The following CHIC2 variants were observed in gnomAD, a reference collection of about 807,000 sequenced individuals.
CHIC2 encodes the protein cysteine rich hydrophobic domain 2.
Under a neutral mutation model 25.9 loss-of-function variants are expected in CHIC2, and 14 were observed. The ratio of observed to expected loss-of-function variants is 0.54; its 90% CI spans 0.36 to 0.85. CHIC2 has a LOEUF of 0.85. Among genes scored for constraint, CHIC2 ranks in the 40% least tolerant of loss-of-function variants. The probability of loss-of-function intolerance (pLI) is 0.01; values close to 1 mark genes in which losing one functional copy is unlikely to be tolerated. For synonymous variants in CHIC2, 70 were observed against 72.0 expected, an observed-to-expected ratio of 0.97 and a Z score of 0.14; for missense variants, 146 against 202.0, an observed-to-expected ratio of 0.72 and a Z score of 1.68.
chr4:54,055,761 A>G (rs565551420), intron 1 of CHIC2, among the ~76,000 whole-genome samples: 45 of 152,298 alleles, frequency 3.0e-4, no homozygotes, highest in African/African-American at 1.0e-3. Context: ...ATAACTATGG[A>G]AAAAAATTAA....
chr4:54,065,969 A>G (rs1717509771), upstream of CHIC2, among the ~76,000 whole-genome samples: 2 of 152,230 alleles, frequency 1.3e-5, no homozygotes, highest in Non-Finnish European at 1.5e-5. Context: ...TTCAACAAAT[A>G]TCTACTGAAC....
rs547036350 is a variant in CHIC2 at position 54,046,071 on chromosome 4, T to G, written c.330+2884A>C. The stretch of plus-strand genomic sequence containing the variant: ...CACAATTGCTTCAAAGAGAATAAAA[T>G]ACCTAGGAATCCAACTTACAAGGGA... On this transcript the variant is annotated intron_variant, in intron 3 of 5. Coordinates refer to ENST00000263921, the MANE Select transcript of CHIC2 (RefSeq NM_012110.4). Among the ~76,000 whole-genome samples the G allele has an allele frequency of 2.0e-3, 308 of 151,030 alleles. 1 individual carries two copies. The highest frequency in any genetic ancestry group is 6.0e-3 in the African/African-American group (248 of 41,402).
rs553583467 is a variant in CHIC2, at chr4:54,029,126, A to G, written c.331-15007T>C. ...GACAGAGCGAGACTCCATCTCAAAG[A>G]AAAAAAAAAAAAAACAAAAGTCAAA... is the stretch of plus-strand genomic sequence containing the variant. On this transcript the variant is annotated intron_variant, in intron 3 of 5. Coordinates refer to ENST00000263921, the MANE Select transcript of CHIC2 (RefSeq NM_012110.4). 7.3e-5 allele frequency among the ~76,000 whole-genome samples: 10 copies of G among 136,854 alleles called. No homozygotes were observed. In the East Asian group the frequency reaches 1.9e-3, roughly 25 times the overall value. 89.8% of individuals were successfully genotyped at this position (136,854 alleles called of 152,430 possible).
chr4:54,048,178 C>G (rs868366338), intron 3 of CHIC2, among the ~76,000 whole-genome samples: 1 of 152,100 alleles, frequency 6.6e-6, no homozygotes, highest in Non-Finnish European at 1.5e-5. Context: ...TTAGTAGAGA[C>G]AGGGTTTTAC....
At chr4:54,037,259 G>C (rs1455024073) in intron 3 of CHIC2, among the ~76,000 whole-genome samples, 2 of 152,038 alleles carry the variant, frequency 1.3e-5, no homozygotes, top group African/African-American at 4.8e-5. Flanking sequence ...CGAGGTAGGA[G>C]GATGAGTGGA....
At chr4:54,046,668 A>T (rs1001880064) in intron 3 of CHIC2, among the ~76,000 whole-genome samples, 1 of 152,228 alleles carries the variant, frequency 6.6e-6, no homozygotes, top group African/African-American at 2.4e-5. Flanking sequence ...TTAAAGACTT[A>T]CATGTTAGAC....
At position 54,049,302 on chromosome 4, in the gene CHIC2, A is replaced by G. The variant is rs1233581446; in HGVS notation, c.123T>C (p.Phe41=). The change falls in exon 2 of 6, where the codon TTT becomes TTC. Residue 41 remains phenylalanine (F), a synonymous_variant. Transcript: ENST00000263921. ...VVRGSGHVTV[F]GLSNKFESEF... ...CAGATTCAAATTTGTTGCTCAGTCC[A>G]AATCTATTTTAAAAAATAAGAAGAA... 3 of 1,577,742 alleles carry G rather than the reference A, an allele frequency of 1.9e-6. No individual in the cohort carries two copies. Among genetic ancestry groups the G allele is most frequent in the African/African-American group, 2.7e-5 (2 of 73,800 alleles).
At chr4:54,082,558 G>A in the CHIC2 span, among the ~76,000 whole-genome samples, 4 of 152,240 alleles carry the variant, frequency 2.6e-5, no homozygotes, top group Non-Finnish European at 4.4e-5. Flanking sequence ...TGAGAGGGAT[G>A]AGGAAAGAGT....
intron 1 of CHIC2, among the ~76,000 whole-genome samples, chr4:54,055,826 C>T (rs550944494): frequency 1.2e-4 from 19 of 152,234 alleles, no homozygotes; most frequent in South Asian, 4.1e-4. Flanking sequence ...ATTCAACATA[C>T]GTCTGAATAT....
chr4:54,014,410 C>T (rs1225625412), intron 3 of CHIC2, among the ~76,000 whole-genome samples: 3 of 152,048 alleles, frequency 2.0e-5, no homozygotes, highest in Admixed American at 1.3e-4. Context: ...AAATTAAATT[C>T]CCACTTCTTT....
At chr4:54,016,841 T>TA (rs1238889572) in intron 3 of CHIC2, among the ~76,000 whole-genome samples, 23 of 147,170 alleles carry the variant, frequency 1.6e-4, no homozygotes, top group East Asian at 1.2e-3. Context: ...AGCAGTCATT[T>TA]AAAAAAAAAA....
chr4:54,049,564 T>C lies in CHIC2; in HGVS notation c.120-259A>G, dbSNP rs1030708536. On this transcript the variant is annotated intron_variant, in intron 1 of 5. Coordinates refer to ENST00000263921, the MANE Select transcript of CHIC2 (RefSeq NM_012110.4). ...AACCAGCAGTATGTAAACAAAAATA[T>C]AAATGGTTCATTTAATTTGAGCTAC... Among the ~76,000 whole-genome samples the C allele has an allele frequency of 7.2e-5, 11 of 152,316 alleles. No individual in the cohort carries two copies. In the East Asian group the frequency reaches 1.9e-3, roughly 27 times the overall value.
chr4:54,061,180 A>G (rs1362650946), intron 1 of CHIC2: 1 of 152,168 alleles, frequency 6.6e-6, no homozygotes, highest in Non-Finnish European at 1.5e-5. Flanking sequence ...CTTTAGGCAA[A>G]TTAAACATGT....
intron 1 of CHIC2, among the ~76,000 whole-genome samples, chr4:54,054,801 C>A (rs557040612): frequency 6.6e-6 from 1 of 152,122 alleles, no homozygotes; most frequent in African/African-American, 2.4e-5. Flanking sequence ...GAACATAAGA[C>A]AAATAGATGG....
At chr4:54,070,081 A>C in the CHIC2 span, among the ~76,000 whole-genome samples, 11 of 152,366 alleles carry the variant, frequency 7.2e-5, no homozygotes, top group Non-Finnish European at 1.0e-4. Flanking sequence ...ATGACATGTA[A>C]GCTGATGAGC....
chr4:54,042,693 A>C (rs900251696), intron 3 of CHIC2, among the ~76,000 whole-genome samples: 5 of 152,170 alleles, frequency 3.3e-5, no homozygotes. Flanking sequence ...CAAGAGCGAC[A>C]AAATCAACTG....
chr4:54,071,647 A>G, the CHIC2 span, among the ~76,000 whole-genome samples: 1 of 152,226 alleles, frequency 6.6e-6, no homozygotes, highest in Admixed American at 6.5e-5. Flanking sequence ...CCTAACACCT[A>G]CAACAGTACC....
chr4:54,087,020 G>A, the CHIC2 span: 2 of 1,100,500 alleles, frequency 1.8e-6, no homozygotes, highest in Non-Finnish European at 2.8e-6. Flanking sequence ...ATGCAGAGAT[G>A]AGAGGGGCCT....
At chr4:54,041,370 G>A (rs1391871349) in intron 3 of CHIC2, among the ~76,000 whole-genome samples, 2 of 152,024 alleles carry the variant, frequency 1.3e-5, no homozygotes, top group East Asian at 1.9e-4. Context: ...CCTCTCGATC[G>A]AGGGTTCTTA....
Sources: gnomAD v4.1 joint callset for allele counts (sites outside exome capture counted in the v4.1 genomes callset) on GRCh38, gnomAD v4.1.1 for gene constraint, MANE v1.5 for transcripts, NCBI Gene and HGNC (gene_info 2026-07-23, HGNC 2026-07-21) for gene names.